PDLIM2: variants seen among roughly 807,000 people sequenced by gnomAD.
PDLIM2 encodes the protein PDZ and LIM domain protein 2.
In PDLIM2, 51 loss-of-function variants were observed where a neutral mutation model predicts 54.1. The ratio of observed to expected loss-of-function variants is 0.94; its 90% CI spans 0.75 to 1.19. The LOEUF is 1.19. PDLIM2 is among the 50% of genes most tolerant of loss of function. PDLIM2 has a pLI of 0.00. For missense variants in PDLIM2, 912 were observed against 874.0 expected (o/e 1.04, Z -0.55); for synonymous variants, 398 against 385.6 (o/e 1.03, Z -0.38).
downstream of PDLIM2, chr8:22,594,333 C>T (rs1422559749): frequency 2.1e-6 from 3 of 1,442,986 alleles, no homozygotes; most frequent in Non-Finnish European, 2.7e-6. Flanking sequence ...CTACCGCCAG[C>T]CCTGGGTATG....
At chr8:22,595,184 C>G (rs1259708182), downstream of PDLIM2, 1 of 153,034 alleles carries the variant, frequency 6.5e-6, no homozygotes, top group Non-Finnish European at 1.5e-5. Flanking sequence ...CTCTCCGGCT[C>G]TTTGTGAAAG....
intron 3 of PDLIM2, among the ~76,000 whole-genome samples, chr8:22,582,909 A>ACC (rs1307370816): frequency 1.5e-3 from 55 of 37,212 alleles, no homozygotes; most frequent in East Asian, 4.1e-3. Flanking sequence ...CGTGATGCCC[A>ACC]CCCCCCCCCC....
At position 22,585,413 on chromosome 8, in the gene PDLIM2, G is replaced by A; in HGVS notation, c.1290+14G>A. On this transcript the variant is annotated intron_variant, in intron 6 of 9. Transcript: ENST00000308354. ...GGAAGCCGACAGGTGAGGCTCCCTGGGGGAGGACAGGCTGGAGGAACAGAA... is the reference window on the plus strand; with the variant it reads ...GGAAGCCGACAGGTGAGGCTCCCTGAGGGAGGACAGGCTGGAGGAACAGAA... 1 of 1,599,708 alleles carries A rather than the reference G, an allele frequency of 6.3e-7. No individual in the cohort carries two copies. Among genetic ancestry groups the A allele is most frequent in the East Asian group, 2.3e-5 (1 of 44,142 alleles).
chr8:22,584,384 C>A (rs1366359122), intron 3 of PDLIM2, among the ~76,000 whole-genome samples: 1 of 152,050 alleles, frequency 6.6e-6, no homozygotes, highest in Non-Finnish European at 1.5e-5. Flanking sequence ...TCACGGCTCA[C>A]TACAACCTCC....
intron 6 of PDLIM2, chr8:22,585,793 G>A (rs1586923564): frequency 6.5e-6 from 1 of 153,716 alleles, no homozygotes; most frequent in African/African-American, 2.4e-5. Context: ...CCCATTCCAA[G>A]ACCCGGGCCT....
chr8:22,593,661 C>G, intron 9 of PDLIM2, 72 bp from the exon 9 acceptor site: 5 of 1,399,292 alleles, frequency 3.6e-6, no homozygotes, highest in Non-Finnish European at 4.8e-6. Context: ...CAGTGGGGAC[C>G]AGGCCCCCTG....
rs747923534 is a variant in PDLIM2, at chr8:22,587,079, G to A, written c.1290+1680G>A. Among the ~76,000 whole-genome samples the A allele has an allele frequency of 8.5e-5, 13 of 152,132 alleles. 1 individual carries two copies. The highest frequency in any genetic ancestry group is 2.7e-4 in the African/African-American group (11 of 41,418). On this transcript the variant is annotated intron_variant, in intron 6 of 9. Transcript: ENST00000308354. ...CTCATTCCTTCGGCAAATATTTGTC[G>A]AGCAGCTGCTTCATGTCAGACACTC...
rs1463585149 is a variant in PDLIM2, at chr8:22,580,937, C to T, written c.843+240C>T. ...CAGGACAGGGCCGGCTCTTGCCTCCCCAGTTGCTATCCCCACACTTGCAGG... is the reference window on the plus strand; with the variant it reads ...CAGGACAGGGCCGGCTCTTGCCTCCTCAGTTGCTATCCCCACACTTGCAGG... On this transcript the variant is annotated intron_variant, in intron 2 of 9. Transcript: ENST00000308354. 3 of 685,842 alleles carry T rather than the reference C, an allele frequency of 4.4e-6. No homozygotes were observed. In the South Asian group the frequency reaches 4.5e-5, roughly 10 times the overall value. 42.5% of individuals were successfully genotyped at this position (685,842 alleles called of 1,614,324 possible).
chr8:22,579,143 C>T (rs1334611914), exon 1 of PDLIM2: 4 of 1,317,220 alleles, frequency 3.0e-6, no homozygotes, highest in Non-Finnish European at 2.9e-6. Context: ...GTCGGGTAGA[C>T]GGCAGCGGGA....
chr8:22,581,789 C>T (rs1169615952), intron 3 of PDLIM2, among the ~76,000 whole-genome samples: 1 of 152,232 alleles, frequency 6.6e-6, no homozygotes, highest in Non-Finnish European at 1.5e-5. Flanking sequence ...CGAGCTGGCA[C>T]CAGCCACCTT....
intron 6 of PDLIM2, chr8:22,589,061 C>T (rs1196738224): frequency 1.7e-6 from 1 of 584,896 alleles, no homozygotes. Context: ...CCCTCCCTCT[C>T]TGGACCCTGG....
chr8:22,588,882 G>T, intron 6 of PDLIM2: 1 of 257,596 alleles, frequency 3.9e-6, no homozygotes, highest in Non-Finnish European at 7.5e-6. Flanking sequence ...TATCTCCTCA[G>T]TGCAAAAGGG....
At chr8:22,580,530 C>G (rs1563857023) in intron 1 of PDLIM2, 3 of 1,609,738 alleles carry the variant, frequency 1.9e-6, no homozygotes, top group Non-Finnish European at 2.5e-6. Context: ...TTTGGCTCCT[C>G]TCCTGCTGCC....
chr8:22,586,526 T>G (rs1800386347), intron 6 of PDLIM2, among the ~76,000 whole-genome samples: 1 of 151,516 alleles, frequency 6.6e-6, no homozygotes, highest in South Asian at 2.1e-4. Context: ...TAGGGAAGGA[T>G]GAGCAGGAGG....
In PDLIM2 at chr8:22,580,998, G is replaced by A. The variant is rs572321829; in HGVS notation, c.843+301G>A. 7.9e-5 allele frequency: 52 copies of A among 657,040 alleles called. No homozygotes were observed. The Admixed American group carries it at 9.2e-4, about 12-fold the overall frequency. 40.7% of individuals were successfully genotyped at this position (657,040 alleles called of 1,614,324 possible). On this transcript the variant is annotated intron_variant, in intron 2 of 9. Transcript: ENST00000308354. ...GGGTGATTACTAGAACAAGAGCCCC[G>A]GAGTTCTTGGCAGTCTCCTCTTGAC...
At chr8:22,581,659 A>C in intron 3 of PDLIM2, 129 bp downstream of exon 2, 2 of 1,246,668 alleles carry the variant, frequency 1.6e-6, no homozygotes, top group Non-Finnish European at 2.1e-6. Flanking sequence ...CCCTCTCCAC[A>C]CCTTGGTGAG....
In PDLIM2 at chr8:22,580,766, C is replaced by T. The variant is rs552872711; in HGVS notation, c.843+69C>T. 2.2e-5 allele frequency: 33 copies of T among 1,485,230 alleles called. 1 individual carries two copies. Among genetic ancestry groups the T allele is most frequent in the East Asian group, 6.9e-5 (3 of 43,706 alleles). The allele number at this position is 1,485,230 out of a possible 1,614,324, so 92.0% of individuals were successfully genotyped here. On this transcript the variant is annotated intron_variant, in intron 2 of 9. Transcript: ENST00000308354. ...CGAGGTCGGCCCTGTTCACCCCACT[C>T]TGCACAGATGGCTTGCTTTTTCTGT... is the stretch of plus-strand genomic sequence containing the variant.
At position 22,585,315 on chromosome 8, in the gene PDLIM2, T is replaced by G; in HGVS notation, c.1212-6T>G. On this transcript the variant is annotated splice_polypyrimidine_tract_variant and splice_region_variant and intron_variant, in intron 5 of 9. Transcript: ENST00000308354. ...CTGGCACACACTGTCCCTTTCCCACTTTCAGCTTCCAGAGTCTGGCATGTT... is the reference window on the plus strand; with the variant it reads ...CTGGCACACACTGTCCCTTTCCCACGTTCAGCTTCCAGAGTCTGGCATGTT... 2 of 1,612,952 alleles carry G rather than the reference T, an allele frequency of 1.2e-6. No individual in the cohort carries two copies. Among genetic ancestry groups the G allele is most frequent in the Non-Finnish European group, 1.7e-6 (2 of 1,179,850 alleles).
At chr8:22,585,292 G>C (rs764462183) in intron 5 of PDLIM2, 29 bp from the exon 5 acceptor site, 5 of 1,611,784 alleles carry the variant, frequency 3.1e-6, no homozygotes, top group Middle Eastern at 1.7e-4. Context: ...GGGTGGCCCT[G>C]GCACACACTG....
Sources: allele counts gnomAD v4.1 joint callset (sites outside exome capture counted in the v4.1 genomes callset), GRCh38; gene constraint gnomAD v4.1.1; transcripts MANE v1.5; gene names NCBI Gene and HGNC (gene_info 2026-07-23, HGNC 2026-07-21).